Variants in KYNU observed in about 807,000 individuals in gnomAD.
The protein encoded by KYNU is L-kynurenine hydrolase.
In KYNU, 54 loss-of-function variants were observed where a neutral mutation model predicts 59.2. The observed-to-expected ratio is 0.91, with a 90% CI of 0.73 to 1.14. KYNU has a LOEUF of 1.14. Among genes scored for constraint, KYNU ranks in the 50% most tolerant of loss-of-function variants. The probability of loss-of-function intolerance (pLI) is 0.00; values close to 1 mark genes in which losing one functional copy is unlikely to be tolerated. For synonymous variants in KYNU, 177 were observed against 192.0 expected (o/e 0.92, Z 0.65); for missense variants, 567 against 554.4 (o/e 1.02, Z -0.23).
intron 10 of KYNU, among the ~76,000 whole-genome samples, chr2:143,000,638 C>G (rs1475682053): frequency 6.9e-6 from 1 of 145,880 alleles, no homozygotes; most frequent in Non-Finnish European, 1.5e-5. Flanking sequence ...ACTAGAAAAG[C>G]TTTTGGAAGC....
chr2:143,037,255 A>G (rs1231398559), intron 12 of KYNU, among the ~76,000 whole-genome samples: 2 of 152,194 alleles, frequency 1.3e-5, no homozygotes, highest in African/African-American at 4.8e-5. Context: ...CTTTGGATGT[A>G]TTTGCCTTAT....
At chr2:142,899,950 G>C (rs1044745547) in intron 2 of KYNU, among the ~76,000 whole-genome samples, 10 of 152,158 alleles carry the variant, frequency 6.6e-5, no homozygotes, top group Non-Finnish European at 1.5e-4. Flanking sequence ...CTAGCTCCCA[G>C]AGCTCCCAAG....
Position 142,957,720 on chromosome 2 carries a change from A to G in KYNU, c.582+5A>G. On this transcript the variant is annotated splice_donor_5th_base_variant and intron_variant, in intron 7 of 13. Transcript: ENST00000264170. ...CGGATGATAAAGCCAAGAGAGGTAT[A>G]TGAGAAAGAAAGAAATATTTGTCAT... 6.5e-7 allele frequency: 1 copy of G among 1,548,730 alleles called. No homozygotes were observed. Among genetic ancestry groups the G allele is most frequent in the African/African-American group, 1.4e-5 (1 of 73,732 alleles).
chr2:142,917,570 G>T, intron 2 of KYNU, among the ~76,000 whole-genome samples: 1 of 152,140 alleles, frequency 6.6e-6, no homozygotes, highest in East Asian at 1.9e-4. Context: ...CAAAAGTGCC[G>T]GGATTACAGG....
At chr2:142,898,279 G>T (rs1241987522) in intron 2 of KYNU, among the ~76,000 whole-genome samples, 7 of 150,816 alleles carry the variant, frequency 4.6e-5, no homozygotes, top group African/African-American at 2.4e-5. Flanking sequence ...ATACTTCGAG[G>T]CCAAAAAATT....
chr2:142,985,572 G>A (rs1328033293), intron 9 of KYNU, among the ~76,000 whole-genome samples: 2 of 151,700 alleles, frequency 1.3e-5, no homozygotes, highest in African/African-American at 4.8e-5. Context: ...TTGACAGGGA[G>A]CATGAAAATA....
intron 1 of KYNU, among the ~76,000 whole-genome samples, chr2:142,878,546 A>G (rs574465302): frequency 2.6e-5 from 4 of 152,292 alleles, no homozygotes; most frequent in South Asian, 2.1e-4. Flanking sequence ...TTGAACTCCT[A>G]TGTACAATTT....
intron 10 of KYNU, among the ~76,000 whole-genome samples, chr2:143,006,791 A>G (rs915621557): frequency 3.6e-4 from 54 of 151,810 alleles, no homozygotes; most frequent in African/African-American, 1.0e-3. Flanking sequence ...CCCCAGCAGG[A>G]GCACACTGAC....
intron 8 of KYNU, among the ~76,000 whole-genome samples, chr2:142,964,087 C>G (rs536531738): frequency 6.7e-6 from 1 of 150,084 alleles, no homozygotes; most frequent in African/African-American, 2.4e-5. Context: ...GTGTGAGATT[C>G]ATTCATGCAG....
At chr2:142,893,989 A>C (rs774581931) in intron 2 of KYNU, among the ~76,000 whole-genome samples, 10 of 152,210 alleles carry the variant, frequency 6.6e-5, no homozygotes, top group Non-Finnish European at 1.3e-4. Context: ...AGATTCTTAC[A>C]AGGAGAGTAC....
chr2:142,927,403 G>A (rs999030233), intron 3 of KYNU, among the ~76,000 whole-genome samples: 3 of 151,814 alleles, frequency 2.0e-5, no homozygotes, highest in Admixed American at 6.6e-5. Context: ...CTAGAATATA[G>A]CAAAATATTA....
chr2:142,889,042 A>T (rs781112453), intron 2 of KYNU, among the ~76,000 whole-genome samples: 5 of 151,782 alleles, frequency 3.3e-5, no homozygotes, highest in Non-Finnish European at 7.4e-5. Context: ...CATGGAGCAC[A>T]GGTGAAGCTG....
At position 142,954,904 on chromosome 2, in the gene KYNU, C is replaced by A. The variant is rs1297795989; in HGVS notation, c.435+33C>A. 9 of 1,255,246 alleles carry A rather than the reference C, an allele frequency of 7.2e-6. No individual in the cohort carries two copies. In the South Asian group the frequency reaches 8.4e-5, roughly 12 times the overall value. The allele number at this position is 1,255,246 out of a possible 1,614,324, so 77.8% of individuals were successfully genotyped here. A position where few individuals can be genotyped will look rare whatever the true frequency, so the allele number is the denominator to read the frequency against. On this transcript the variant is annotated intron_variant, in intron 5 of 13. Transcript: ENST00000264170. ...TTCTTTCCCACTAATGTTTAGAACA[C>A]ATTCATTTACAGAATCTGATGTTTT...
intron 1 of KYNU, among the ~76,000 whole-genome samples, chr2:142,884,326 T>G (rs904341601): frequency 6.6e-6 from 1 of 152,208 alleles, no homozygotes; most frequent in African/African-American, 2.4e-5. Flanking sequence ...TCCATGAATA[T>G]GGTTTTCACT....
intron 8 of KYNU, among the ~76,000 whole-genome samples, chr2:142,967,018 G>T (rs1305926489): frequency 2.0e-5 from 3 of 151,410 alleles, no homozygotes; most frequent in Non-Finnish European, 4.4e-5. Flanking sequence ...GTTTGGCCAG[G>T]ACTCAAGAGA....
rs1040482995 is a variant in KYNU at position 143,046,147 on chromosome 2, C to T, written c.*3975C>T. ...CTCTTTCCAGCTCACATTCTGCTCC[C>T]TCCCCAAATCCACAGATAACCATCG... On this transcript the variant is annotated 3_prime_UTR_variant, in exon 14 of 14. Coordinates refer to ENST00000264170, the MANE Select transcript of KYNU (RefSeq NM_003937.3). 1 of 152,154 alleles carries T rather than the reference C, an allele frequency of 6.6e-6. No individual in the cohort carries two copies. The highest frequency in any genetic ancestry group is 1.9e-4 in the East Asian group (1 of 5,200). 9.4% of individuals were successfully genotyped at this position (152,154 alleles called of 1,614,324 possible).
chr2:142,939,332 G>A (rs998935307), intron 4 of KYNU, among the ~76,000 whole-genome samples: 1 of 152,092 alleles, frequency 6.6e-6, no homozygotes, highest in African/African-American at 2.4e-5. Flanking sequence ...GTCTGAGAGT[G>A]GTGGCTCATG....
At chr2:142,987,222 G>C (rs1685232630) in intron 10 of KYNU, among the ~76,000 whole-genome samples, 1 of 151,634 alleles carries the variant, frequency 6.6e-6, no homozygotes, top group African/African-American at 2.4e-5. Context: ...CACAACCCTG[G>C]CCATTTCTCA....
At chr2:143,029,328 G>T (rs1573914161) in intron 10 of KYNU, among the ~76,000 whole-genome samples, 1 of 152,150 alleles carries the variant, frequency 6.6e-6, no homozygotes, top group African/African-American at 2.4e-5. Context: ...GCTCATACCT[G>T]TAATCCCAGC....
Sources: gnomAD v4.1 joint callset for allele counts (sites outside exome capture counted in the v4.1 genomes callset) on GRCh38, gnomAD v4.1.1 for gene constraint, MANE v1.5 for transcripts, NCBI Gene and HGNC (gene_info 2026-07-23, HGNC 2026-07-21) for gene names.